Variants in SKAP1 observed in about 807,000 individuals in gnomAD.
SKAP1 encodes src kinase-associated phosphoprotein 1.
SKAP1 carries 44 observed loss-of-function variants against 58.5 expected under a neutral mutation model. The observed-to-expected ratio is 0.75, with a 90% confidence interval of 0.59 to 0.97. The LOEUF (loss-of-function observed/expected upper bound fraction) is 0.97, where lower values mean the gene tolerates loss of function less well. Among genes scored for constraint, SKAP1 ranks in the 50% least tolerant of loss-of-function variants. SKAP1 has a pLI of 0.00. For missense variants in SKAP1, 390 were observed against 435.2 expected (o/e 0.90, Z 0.92); for synonymous variants, 127 against 149.7 (o/e 0.85, Z 1.11).
intron 11 of SKAP1, among the ~76,000 whole-genome samples, chr17:48,139,853 A>G (rs545342608): frequency 4.6e-5 from 7 of 152,256 alleles, no homozygotes; most frequent in Admixed American, 3.9e-4. Context: ...CTTTCCCATT[A>G]AAGTCGGGGA....
chr17:48,233,327 T>C (rs2065144433), intron 4 of SKAP1, among the ~76,000 whole-genome samples: 1 of 151,974 alleles, frequency 6.6e-6, no homozygotes, highest in Non-Finnish European at 1.5e-5. Context: ...AGGAGGGTGT[T>C]AAAAGGAAAT....
In SKAP1 at chr17:48,162,694, T is replaced by G. The variant is rs917205905; in HGVS notation, c.878-125A>C. 7.8e-6 allele frequency: 5 copies of G among 640,562 alleles called. No individual in the cohort carries two copies. In the Admixed American group the frequency reaches 1.3e-4, roughly 17 times the overall value. The allele number at this position is 640,562 out of a possible 1,614,324, so 39.7% of individuals were successfully genotyped here. ...CTAGGAAACCTCAGATTAAGGGGAG[T>G]TGAGATGAGATACAGCCAAACACTC... On this transcript the variant is annotated intron_variant, in intron 10 of 12. Transcript: ENST00000336915.
intron 11 of SKAP1, among the ~76,000 whole-genome samples, chr17:48,146,847 C>T (rs1293113286): frequency 2.0e-5 from 3 of 152,084 alleles, no homozygotes. Flanking sequence ...AGGCTGGTCT[C>T]GAACTCCTGA....
At chr17:48,392,494 A>C (rs1311947998) in intron 2 of SKAP1, among the ~76,000 whole-genome samples, 1 of 152,206 alleles carries the variant, frequency 6.6e-6, no homozygotes, top group Non-Finnish European at 1.5e-5. Context: ...CACTTCCAAC[A>C]GGGAGCATAA....
chr17:48,259,233 A>G (rs1248070258), intron 4 of SKAP1, among the ~76,000 whole-genome samples: 1 of 152,094 alleles, frequency 6.6e-6, no homozygotes, highest in African/African-American at 2.4e-5. Context: ...TCGCAATAAA[A>G]TGAAATCATT....
chr17:48,281,099 C>A (rs975101505), intron 4 of SKAP1, among the ~76,000 whole-genome samples: 2 of 151,990 alleles, frequency 1.3e-5, no homozygotes, highest in Admixed American at 6.6e-5. Context: ...GATCTTGGCT[C>A]ACTGCAATCT....
chr17:48,241,827 C>T (rs1175489800), intron 4 of SKAP1, among the ~76,000 whole-genome samples: 1 of 152,152 alleles, frequency 6.6e-6, no homozygotes, highest in African/African-American at 2.4e-5. Flanking sequence ...ATCTTCCAAA[C>T]TGGGAGTTTT....
intron 4 of SKAP1, among the ~76,000 whole-genome samples, chr17:48,253,316 A>G (rs894393857): frequency 3.3e-5 from 5 of 152,148 alleles, no homozygotes; most frequent in African/African-American, 4.8e-5. Flanking sequence ...TGGGCCTTCA[A>G]GTTGTGGCAA....
In SKAP1 at chr17:48,164,386, G is replaced by T. The variant is rs142286985; in HGVS notation, c.878-1817C>A. 7.3e-4 allele frequency among the ~76,000 whole-genome samples: 111 copies of T among 152,276 alleles called. 1 individual carries two copies. The highest frequency in any genetic ancestry group is 5.3e-4 in the Non-Finnish European group (36 of 68,012). ...TCTAAGTGGTAAGGAGACTAACAAG[G>T]TTATCTTGGTCTTTTCTGGCCTAGC... On this transcript the variant is annotated intron_variant, in intron 10 of 12. Coordinates refer to ENST00000336915, the MANE Select transcript of SKAP1 (RefSeq NM_003726.4).
intron 4 of SKAP1, among the ~76,000 whole-genome samples, chr17:48,323,048 A>G (rs1445408514): frequency 6.6e-6 from 1 of 152,084 alleles, no homozygotes; most frequent in East Asian, 1.9e-4. Flanking sequence ...GTGAGCCAAG[A>G]TCACACCAAA....
chr17:48,245,968 C>T (rs951954957), intron 4 of SKAP1, among the ~76,000 whole-genome samples: 2 of 152,056 alleles, frequency 1.3e-5, no homozygotes, highest in African/African-American at 4.8e-5. Flanking sequence ...GAGCTAGACT[C>T]CGTCTCAAAA....
At chr17:48,347,363 C>G (rs1304936416) in intron 3 of SKAP1, among the ~76,000 whole-genome samples, 9 of 152,142 alleles carry the variant, frequency 5.9e-5, no homozygotes, top group Non-Finnish European at 1.3e-4. Context: ...AACCAAACAA[C>G]CTACATAGAA....
chr17:48,401,543 T>C (rs1381578675), intron 1 of SKAP1, among the ~76,000 whole-genome samples: 1 of 152,154 alleles, frequency 6.6e-6, no homozygotes, highest in Non-Finnish European at 1.5e-5. Flanking sequence ...TTTCAACAAA[T>C]GGTGCTGAGA....
chr17:48,310,779 T>TAA (rs199591685), intron 4 of SKAP1, among the ~76,000 whole-genome samples: 4 of 147,316 alleles, frequency 2.7e-5, no homozygotes, highest in Admixed American at 6.8e-5. Context: ...TAAAGATGCT[T>TAA]AAAAAAAAAA....
At chr17:48,382,425 T>C (rs988917501) in intron 2 of SKAP1, 2 of 152,206 alleles carry the variant, frequency 1.3e-5, no homozygotes, top group Non-Finnish European at 2.9e-5. Context: ...AGAAGAATGA[T>C]TGTCAATGGC....
intron 2 of SKAP1, among the ~76,000 whole-genome samples, chr17:48,367,641 G>T (rs557365419): frequency 1.4e-5 from 2 of 139,110 alleles, no homozygotes; most frequent in Admixed American, 1.5e-4. Context: ...TCTGAGGTCA[G>T]GTGTGGTGGC....
At chr17:48,215,444 C>T (rs1238940007) in intron 4 of SKAP1, among the ~76,000 whole-genome samples, 1 of 152,126 alleles carries the variant, frequency 6.6e-6, no homozygotes, top group Admixed American at 6.5e-5. Flanking sequence ...TGGAATTCCC[C>T]AGGGTGCAAG....
intron 10 of SKAP1, 52 bp downstream of exon 10, chr17:48,170,557 C>T: frequency 6.8e-7 from 1 of 1,476,062 alleles, no homozygotes; most frequent in Non-Finnish European, 9.5e-7. Flanking sequence ...TTTCTCTAAT[C>T]AGAAGCCCAT....
chr17:48,430,130 CG>C lies in SKAP1; in HGVS notation c.-11del. The C allele has an allele frequency of 8.0e-7, 1 of 1,252,774 alleles. No homozygotes were observed. Among genetic ancestry groups the C allele is most frequent in the African/African-American group, 1.5e-5 (1 of 65,004 alleles). 77.6% of individuals were successfully genotyped at this position (1,252,774 alleles called of 1,614,324 possible). ...GGGCGGCGGCCTGCATTTGGCTGGG[CG>C]GGAGAGAGGCGGGACGGGGCGCGGG... On this transcript the variant is annotated 5_prime_UTR_variant, in exon 1 of 13. Coordinates refer to ENST00000336915, the MANE Select transcript of SKAP1 (RefSeq NM_003726.4).
Sources: gnomAD v4.1 joint callset for allele counts (sites outside exome capture counted in the v4.1 genomes callset) on GRCh38, gnomAD v4.1.1 for gene constraint, MANE v1.5 for transcripts, NCBI Gene and HGNC (gene_info 2026-07-23, HGNC 2026-07-21) for gene names.